JARID2: variants seen among roughly 807,000 people sequenced by gnomAD.
JARID2 encodes the protein jumonji and AT-rich interaction domain containing 2, also known as protein Jumonji.
Under a neutral mutation model 125.6 loss-of-function variants are expected in JARID2, and 21 were observed. That is an observed-to-expected ratio of 0.17 (90% confidence interval 0.12 to 0.24). The LOEUF (loss-of-function observed/expected upper bound fraction) is 0.24. JARID2 is among the 10% of genes least tolerant of loss of function. The pLI is 1.00. For missense variants in JARID2, 1,303 were observed against 1,639.6 expected (o/e 0.79, Z 3.55); for synonymous variants, 736 against 661.6 (o/e 1.11, Z -1.73).
intron 1 of JARID2, among the ~76,000 whole-genome samples, chr6:15,342,795 C>T (rs946305320): frequency 1.3e-5 from 2 of 152,072 alleles, no homozygotes; most frequent in East Asian, 1.9e-4. Context: ...TTTCCCACCT[C>T]GTTATTTTGT....
At chr6:15,503,199 G>A (rs761522552) in intron 8 of JARID2, among the ~76,000 whole-genome samples, 3 of 152,234 alleles carry the variant, frequency 2.0e-5, no homozygotes, top group Non-Finnish European at 2.9e-5. Context: ...CTGTGGCACC[G>A]GTGTCCTGGC....
At chr6:15,502,436 C>T (rs560980854) in intron 8 of JARID2, among the ~76,000 whole-genome samples, 1 of 152,340 alleles carries the variant, frequency 6.6e-6, no homozygotes, top group South Asian at 2.1e-4. Flanking sequence ...CTCCAGCCCT[C>T]GTGAGCCTGG....
chr6:15,516,182 C>T (rs1001430650), intron 16 of JARID2, among the ~76,000 whole-genome samples: 28 of 152,326 alleles, frequency 1.8e-4, no homozygotes, highest in African/African-American at 6.0e-4. Context: ...GGCATTCCCA[C>T]ACTCCTACAA....
intron 3 of JARID2, among the ~76,000 whole-genome samples, chr6:15,436,403 C>G (rs751636801): frequency 1.3e-5 from 2 of 152,210 alleles, no homozygotes; most frequent in African/African-American, 2.4e-5. Context: ...CACAACCAGC[C>G]GCTTGTGTCG....
At chr6:15,450,572 T>C (rs965240011) in intron 3 of JARID2, among the ~76,000 whole-genome samples, 9 of 152,338 alleles carry the variant, frequency 5.9e-5, no homozygotes, top group Non-Finnish European at 1.3e-4. Context: ...CTGTACTGTG[T>C]GGCTGTTTCT....
intron 12 of JARID2, among the ~76,000 whole-genome samples, chr6:15,508,784 C>T (rs1008188811): frequency 3.9e-5 from 6 of 152,064 alleles, no homozygotes; most frequent in Admixed American, 1.3e-4. Flanking sequence ...TGTTTTGTTT[C>T]GTTTTGTTTT....
intron 17 of JARID2, among the ~76,000 whole-genome samples, chr6:15,519,836 G>A (rs2127777783): frequency 6.6e-6 from 1 of 152,264 alleles, no homozygotes; most frequent in Admixed American, 6.5e-5. Context: ...AAGCATGGTG[G>A]ACCAGGGTGT....
At chr6:15,308,506 T>G (rs1258516394) in intron 1 of JARID2, among the ~76,000 whole-genome samples, 1 of 152,218 alleles carries the variant, frequency 6.6e-6, no homozygotes, top group Non-Finnish European at 1.5e-5. Context: ...ATCTTGCATA[T>G]AAACATTGAT....
chr6:15,269,093 T>C (rs1760198959), intron 1 of JARID2, among the ~76,000 whole-genome samples: 1 of 152,172 alleles, frequency 6.6e-6, no homozygotes, highest in Non-Finnish European at 1.5e-5. Flanking sequence ...ATCATGTCTT[T>C]GGTGGCCTCA....
At chr6:15,401,898 GTT>G (rs34203284) in intron 2 of JARID2, among the ~76,000 whole-genome samples, 51,586 of 126,730 alleles carry the variant, frequency 0.41, 9,181 homozygotes, top group African/African-American at 0.45. Context: ...GTTGTCAGCA[GTT>G]TTTTTTTTTT....
At chr6:15,254,816 G>C (rs528565970) in intron 1 of JARID2, among the ~76,000 whole-genome samples, 7 of 152,040 alleles carry the variant, frequency 4.6e-5, no homozygotes, top group African/African-American at 1.4e-4. Context: ...GAGGTGAGCG[G>C]ATCACTTCAG....
intron 2 of JARID2, among the ~76,000 whole-genome samples, chr6:15,397,225 C>T (rs1161029500): frequency 2.0e-5 from 3 of 152,074 alleles, no homozygotes; most frequent in Non-Finnish European, 4.4e-5. Context: ...ACAGTAGATC[C>T]CCTTTCTGCA....
chr6:15,377,224 T>C (rs1386633589), intron 2 of JARID2, among the ~76,000 whole-genome samples: 4 of 152,108 alleles, frequency 2.6e-5, no homozygotes, highest in Non-Finnish European at 4.4e-5. Context: ...GGACTTACAG[T>C]TCCTCATGCC....
chr6:15,408,335 A>T (rs1405603689), intron 2 of JARID2, among the ~76,000 whole-genome samples: 2 of 152,156 alleles, frequency 1.3e-5, no homozygotes, highest in Non-Finnish European at 2.9e-5. Flanking sequence ...TCAGTTTTAC[A>T]TCTGGTTCTT....
chr6:15,507,502 A>G, intron 11 of JARID2, 86 bp downstream of exon 11: 6 of 1,143,398 alleles, frequency 5.2e-6, no homozygotes, highest in Non-Finnish European at 6.5e-6. Flanking sequence ...ATCCCTTCTA[A>G]GCACTGCCGG....
chr6:15,374,732 T>G (rs1764290631), intron 2 of JARID2, among the ~76,000 whole-genome samples: 1 of 152,228 alleles, frequency 6.6e-6, no homozygotes, highest in Non-Finnish European at 1.5e-5. Flanking sequence ...GAAGTGTGCT[T>G]CTTCCTGGAT....
chr6:15,498,797 C>T (rs1283781028), intron 7 of JARID2, among the ~76,000 whole-genome samples: 3 of 152,234 alleles, frequency 2.0e-5, no homozygotes, highest in Non-Finnish European at 4.4e-5. Flanking sequence ...GTGCAGGGAG[C>T]AGGCTCTGCA....
intron 4 of JARID2, 35 bp from the exon 5 acceptor site, chr6:15,468,507 C>A: frequency 6.3e-7 from 1 of 1,586,852 alleles, no homozygotes; most frequent in Non-Finnish European, 8.6e-7. Flanking sequence ...AGGGTCAAGG[C>A]CTGTGTTTAT....
intron 1 of JARID2, among the ~76,000 whole-genome samples, chr6:15,340,640 A>C (rs771981188): frequency 2.0e-5 from 3 of 152,216 alleles, no homozygotes; most frequent in Non-Finnish European, 2.9e-5. Context: ...CCTAGGACTT[A>C]GGAGCCCTGC....
Sources: allele counts gnomAD v4.1 joint callset (sites outside exome capture counted in the v4.1 genomes callset), GRCh38; gene constraint gnomAD v4.1.1; transcripts MANE v1.5; gene names NCBI Gene and HGNC (gene_info 2026-07-23, HGNC 2026-07-21).